Variants in CELF1 observed in about 807,000 individuals in gnomAD.
The protein encoded by CELF1 is 50 kDa nuclear polyadenylated RNA-binding protein.
Under a neutral mutation model 61.8 loss-of-function variants are expected in CELF1, and 10 were observed. That is an observed-to-expected ratio of 0.16 (90% CI 0.10 to 0.27). The LOEUF is 0.27. CELF1 is among the 10% of genes least tolerant of loss of function. The pLI is 1.00. For synonymous variants in CELF1, 236 were observed against 225.1 expected (o/e 1.05, Z -0.43); for missense variants, 380 against 639.1 (o/e 0.59, Z 4.37).
At chr11:47,536,731 C>T (rs1235585678) in intron 1 of CELF1, among the ~76,000 whole-genome samples, 1 of 152,168 alleles carries the variant, frequency 6.6e-6, no homozygotes, top group Non-Finnish European at 1.5e-5. Flanking sequence ...GCACTCCAGC[C>T]TGCGTGACAG....
At chr11:47,505,643 C>CAA (rs112777088) in intron 1 of CELF1, among the ~76,000 whole-genome samples, 5 of 123,544 alleles carry the variant, frequency 4.0e-5, no homozygotes, top group Non-Finnish European at 8.7e-5. Context: ...ACTCTGTCTC[C>CAA]AAAAAAAAAA....
chr11:47,481,326 CA>C (rs2083129608), intron 9 of CELF1, among the ~76,000 whole-genome samples: 1 of 151,876 alleles, frequency 6.6e-6, no homozygotes, highest in South Asian at 2.1e-4. Flanking sequence ...GACAGGGTTT[CA>C]CCATGCTGGC....
chr11:47,512,897 T>A (rs1432539963), intron 1 of CELF1, among the ~76,000 whole-genome samples: 3 of 152,168 alleles, frequency 2.0e-5, no homozygotes, highest in African/African-American at 7.2e-5. Flanking sequence ...GCTGGAGGCC[T>A]GTAAGCCCAA....
chr11:47,551,749 A>T (rs1411597701), intron 1 of CELF1, among the ~76,000 whole-genome samples: 1 of 152,190 alleles, frequency 6.6e-6, no homozygotes, highest in African/African-American at 2.4e-5. Context: ...GCGGTGGCTC[A>T]CGCCTGTAAT....
At chr11:47,542,235 T>C (rs1324405131) in intron 1 of CELF1, among the ~76,000 whole-genome samples, 1 of 152,112 alleles carries the variant, frequency 6.6e-6, no homozygotes, top group Non-Finnish European at 1.5e-5. Context: ...CCAGGCATGC[T>C]GGCAGGTGCC....
Position 47,483,509 on chromosome 11 carries a change from T to C in CELF1, c.550A>G (p.Thr184Ala). 1 of 1,614,012 alleles carries C rather than the reference T, an allele frequency of 6.2e-7. No individual in the cohort carries two copies. The highest frequency in any genetic ancestry group is 8.5e-7 in the Non-Finnish European group (1 of 1,179,898). The change falls in exon 8 of 15, where the codon ACA (threonine) becomes GCA (alanine). Residue 184 changes from threonine (T) to alanine (A), a missense_variant. Transcript: ENST00000687097. ...ATAGCCGTCTGTGCCATGGCTCTTG[T>C]TGTAAAAGTCACAAATGCACAACCT... is the stretch of plus-strand genomic sequence containing the variant. The part of the protein sequence containing the change: ...SRGCAFVTFT[T>A]RAMAQTAIKA...
intron 2 of CELF1, among the ~76,000 whole-genome samples, chr11:47,500,279 A>T (rs2093734724): frequency 1.3e-5 from 2 of 152,098 alleles, no homozygotes; most frequent in Admixed American, 1.3e-4. Context: ...TAATGGTTAG[A>T]GCAAGGTGTG....
chr11:47,516,727 A>T (rs920657986), intron 1 of CELF1, among the ~76,000 whole-genome samples: 4 of 151,600 alleles, frequency 2.6e-5, no homozygotes, highest in Admixed American at 1.3e-4. Flanking sequence ...CAGCCTCCCC[A>T]GTAGCTGGGA....
rs186354077 is a variant in CELF1, at chr11:47,473,644, T to C, written c.1274-413A>G. ...ACAGGGACAGCAAACAGATTGGTAGTTGCCAGATGCAGGGAATGACTACAA... is the reference window on the plus strand; with the variant it reads ...ACAGGGACAGCAAACAGATTGGTAGCTGCCAGATGCAGGGAATGACTACAA... On this transcript the variant is annotated intron_variant, in intron 13 of 14. Transcript: ENST00000687097. 5.3e-5 allele frequency among the ~76,000 whole-genome samples: 8 copies of C among 152,308 alleles called. No homozygotes were observed. In the East Asian group the frequency reaches 7.7e-4, roughly 15 times the overall value.
chr11:47,528,861 A>G (rs2096360572), intron 1 of CELF1, among the ~76,000 whole-genome samples: 1 of 151,652 alleles, frequency 6.6e-6, no homozygotes, highest in African/African-American at 2.4e-5. Flanking sequence ...ACTGCACTCC[A>G]GCCAGGCCAA....
At chr11:47,543,728 C>T (rs1011305844) in intron 1 of CELF1, among the ~76,000 whole-genome samples, 2 of 151,670 alleles carry the variant, frequency 1.3e-5, no homozygotes, top group East Asian at 1.9e-4. Context: ...GGCTACATAG[C>T]GGACCCGTGG....
chr11:47,473,718 G>A (rs2078727380), intron 13 of CELF1, among the ~76,000 whole-genome samples: 1 of 152,176 alleles, frequency 6.6e-6, no homozygotes, highest in Non-Finnish European at 1.5e-5. Context: ...CCTAATCTGT[G>A]GTGATGGTTG....
chr11:47,531,114 G>A lies in CELF1; in HGVS notation c.-154+21878C>T, dbSNP rs187380788. 1.1e-3 allele frequency among the ~76,000 whole-genome samples: 175 copies of A among 152,188 alleles called. 1 individual carries two copies. The highest frequency in any genetic ancestry group is 1.4e-3 in the Non-Finnish European group (96 of 68,004). On this transcript the variant is annotated intron_variant, in intron 1 of 14. Transcript: ENST00000687097. ...ATACAAAAATTACCCAGGCATGGTG[G>A]TAGATGCCTGTAATCCCAGCTACTC...
At chr11:47,537,287 G>A (rs927125624) in intron 1 of CELF1, among the ~76,000 whole-genome samples, 6 of 140,458 alleles carry the variant, frequency 4.3e-5, no homozygotes, top group Admixed American at 3.1e-4. Context: ...TCACTCTGTC[G>A]CCCAGGCTAG....
intron 13 of CELF1, among the ~76,000 whole-genome samples, chr11:47,474,519 G>A (rs757690801): frequency 2.4e-4 from 37 of 152,290 alleles, no homozygotes; most frequent in Admixed American, 1.1e-3. Context: ...AACACCTCAT[G>A]CTTTCATTTA....
In CELF1 at chr11:47,534,732, A is replaced by C. The variant is rs868262632; in HGVS notation, c.-154+18260T>G. Among the ~76,000 whole-genome samples, 6 of 152,292 alleles carry C rather than the reference A, an allele frequency of 3.9e-5. No homozygotes were observed. The South Asian group carries it at 1.2e-3, about 32-fold the overall frequency. On this transcript the variant is annotated intron_variant, in intron 1 of 14. Coordinates refer to ENST00000687097, the MANE Select transcript of CELF1 (RefSeq NM_001376376.1). The stretch of plus-strand genomic sequence containing the variant: ...GACAGAGCGAGACTCCATCTCAAAA[A>C]TAAATAAAATAAAATAAAATAAGCC...
chr11:47,474,055 C>T (rs1014678411), intron 13 of CELF1, among the ~76,000 whole-genome samples: 1 of 152,022 alleles, frequency 6.6e-6, no homozygotes, highest in African/African-American at 2.4e-5. Flanking sequence ...TACAGGCAGG[C>T]GCCACCATGC....
rs745942543 is a variant in CELF1 at position 47,475,316 on chromosome 11, C to T, written c.1273+20G>A. 11 of 1,611,864 alleles carry T rather than the reference C, an allele frequency of 6.8e-6. No homozygotes were observed. The highest frequency in any genetic ancestry group is 6.7e-5 in the African/African-American group (5 of 74,876). On this transcript the variant is annotated intron_variant, in intron 13 of 14. Coordinates refer to ENST00000687097, the MANE Select transcript of CELF1 (RefSeq NM_001376376.1). ...GAAAACCGCCCCCCATACCTGACCC[C>T]GATCTCCCTTTGCACTCACCTTCCT...
At chr11:47,549,812 T>G (rs575811689) in intron 1 of CELF1, among the ~76,000 whole-genome samples, 120 of 133,164 alleles carry the variant, frequency 9.0e-4, no homozygotes, top group African/African-American at 1.2e-3. Context: ...ATGTTGTGGG[T>G]TTTTTTTGTT....
Sources: allele counts gnomAD v4.1 joint callset (sites outside exome capture counted in the v4.1 genomes callset), GRCh38; gene constraint gnomAD v4.1.1; transcripts MANE v1.5; gene names NCBI Gene and HGNC (gene_info 2026-07-23, HGNC 2026-07-21).